TUBA1C: variants seen among roughly 807,000 people sequenced by gnomAD.
TUBA1C encodes the protein tubulin alpha 1c, also known as tubulin alpha-1C chain.
TUBA1C carries 16 observed loss-of-function variants against 34.9 expected under a neutral mutation model. The ratio of observed to expected loss-of-function variants is 0.46; its 90% CI spans 0.31 to 0.70. TUBA1C has a LOEUF of 0.70. TUBA1C is among the 30% of genes least tolerant of loss of function. The pLI is 0.05. For missense variants in TUBA1C, 329 were observed against 587.3 expected (o/e 0.56, Z 4.55); for synonymous variants, 177 against 215.9 (o/e 0.82, Z 1.58).
At chr12:49,241,730 A>T (rs1385481226) in intron 1 of TUBA1C, among the ~76,000 whole-genome samples, 1 of 146,994 alleles carries the variant, frequency 6.8e-6, no homozygotes, top group South Asian at 2.2e-4. Flanking sequence ...GCTCACTGCA[A>T]CCTCTGCCTC....
chr12:49,262,991 T>C (rs1942855947), upstream of TUBA1C, among the ~76,000 whole-genome samples: 1 of 151,770 alleles, frequency 6.6e-6, no homozygotes, highest in Non-Finnish European at 1.5e-5. Context: ...ATCCCAATGC[T>C]TAAAATTAAT....
intron 1 of TUBA1C, among the ~76,000 whole-genome samples, chr12:49,252,620 T>TA (rs778731646): frequency 6.6e-6 from 1 of 152,024 alleles, no homozygotes; most frequent in Non-Finnish European, 1.5e-5. Context: ...CTACTAAAAA[T>TA]ACAAAAATTG....
intron 1 of TUBA1C, among the ~76,000 whole-genome samples, chr12:49,268,274 T>A (rs1942942638): frequency 6.6e-6 from 1 of 152,194 alleles, no homozygotes; most frequent in Admixed American, 6.5e-5. Flanking sequence ...AATTCTTGTA[T>A]TTTTAGTAGA....
intron 1 of TUBA1C, among the ~76,000 whole-genome samples, chr12:49,249,516 A>C (rs1291197796): frequency 6.6e-6 from 1 of 152,164 alleles, no homozygotes; most frequent in African/African-American, 2.4e-5. Flanking sequence ...AATCAATGAA[A>C]CAGAAAACAG....
At chr12:49,244,852 GT>G (rs1942651569) in intron 1 of TUBA1C, among the ~76,000 whole-genome samples, 1 of 152,112 alleles carries the variant, frequency 6.6e-6, no homozygotes, top group Non-Finnish European at 1.5e-5. Flanking sequence ...CAAATACTAT[GT>G]TGGGAAAGGA....
At position 49,248,527 on chromosome 12, in the gene TUBA1C, T is replaced by G. The variant is rs1942698160; in HGVS notation, c.213+20361T>G. Among the ~76,000 whole-genome samples the G allele has an allele frequency of 2.1e-5, 3 of 142,106 alleles. No individual in the cohort carries two copies. In the South Asian group the frequency reaches 7.0e-4, roughly 33 times the overall value. 93.2% of individuals were successfully genotyped at this position (142,106 alleles called of 152,430 possible). A position where few individuals can be genotyped will look rare whatever the true frequency, so the allele number is the denominator to read the frequency against. On this transcript the variant is annotated intron_variant, in intron 1 of 3. Transcript: ENST00000541364. ...AGATTACAGTGAGCTGAGACCGGGT[T>G]GTTGCCTGGGCAACAACAGCGAAAC...
At chr12:49,237,717 C>T (rs1262956286) in intron 1 of TUBA1C, among the ~76,000 whole-genome samples, 3 of 146,950 alleles carry the variant, frequency 2.0e-5, no homozygotes, top group East Asian at 4.0e-4. Context: ...GCACTCTGGC[C>T]TGGGTGACAG....
At chr12:49,264,134 C>CT (rs1942868136), upstream of TUBA1C, among the ~76,000 whole-genome samples, 2 of 151,518 alleles carry the variant, frequency 1.3e-5, no homozygotes, top group South Asian at 4.2e-4. Context: ...GCAGGAGAAT[C>CT]GCTTGAACCC....
intron 1 of TUBA1C, among the ~76,000 whole-genome samples, chr12:49,265,877 CG>C (rs1159307400): frequency 1.3e-5 from 2 of 151,018 alleles, no homozygotes; most frequent in African/African-American, 4.9e-5. Context: ...AGAGTTGGCC[CG>C]GCGCAGTGGC....
In TUBA1C at chr12:49,272,281, T is replaced by A. The variant is rs1242999575; in HGVS notation, c.404T>A (p.Phe135Tyr). ...LADQCTGLQGFLVFHSFGGGT... is the reference protein window; with the variant it reads ...LADQCTGLQGYLVFHSFGGGT... ...GACCAGTGCACCGGTCTTCAGGGCT[T>A]CTTGGTTTTCCACAGCTTTGGTGGG... is the stretch of plus-strand genomic sequence containing the variant. The change falls in exon 4 of 4, where the codon TTC becomes TAC. Residue 135 changes from phenylalanine (F) to tyrosine (Y), a missense_variant. Physicochemically the swap from Phe to Tyr is conservative, Grantham distance 22 (BLOSUM62 3). Around this residue, in one of 4 missense-constraint regions of TUBA1C, gnomAD observed 152 missense variants for 240.3 expected, o/e 0.63. Transcript: ENST00000301072. 2 of 1,613,054 alleles carry A rather than the reference T, an allele frequency of 1.2e-6. No homozygotes were observed. The highest frequency in any genetic ancestry group is 1.7e-5 in the Admixed American group (1 of 59,770).
At chr12:49,270,690 A>G (rs925922343) in intron 3 of TUBA1C, among the ~76,000 whole-genome samples, 3 of 152,176 alleles carry the variant, frequency 2.0e-5, no homozygotes, top group Non-Finnish European at 2.9e-5. Flanking sequence ...ATGCTTAAAA[A>G]CTAAGCTTTA....
At chr12:49,255,542 C>G (rs1942775118) in intron 1 of TUBA1C, among the ~76,000 whole-genome samples, 1 of 151,748 alleles carries the variant, frequency 6.6e-6, no homozygotes, top group Admixed American at 6.6e-5. Context: ...ATGAACCACT[C>G]TACCTGGTAG....
intron 1 of TUBA1C, among the ~76,000 whole-genome samples, chr12:49,253,732 C>T (rs1042468276): frequency 3.3e-5 from 5 of 152,036 alleles, no homozygotes; most frequent in African/African-American, 9.7e-5. Flanking sequence ...CTCACTATGT[C>T]GTCCAAGCTG....
chr12:49,264,219 C>CAAA (rs572667018), upstream of TUBA1C, among the ~76,000 whole-genome samples: 1 of 79,580 alleles, frequency 1.3e-5, no homozygotes, highest in Non-Finnish European at 2.7e-5. Flanking sequence ...GACTCCGTCT[C>CAAA]AAAAAAAAAA....
chr12:49,261,194 C>T (rs2137011352), upstream of TUBA1C, among the ~76,000 whole-genome samples: 1 of 151,692 alleles, frequency 6.6e-6, no homozygotes, highest in Non-Finnish European at 1.5e-5. Flanking sequence ...AGCGCCATTG[C>T]ACTCCAGCCT....
intron 1 of TUBA1C, among the ~76,000 whole-genome samples, chr12:49,248,547 C>T (rs553908528): frequency 2.9e-5 from 4 of 139,520 alleles, no homozygotes; most frequent in South Asian, 2.3e-4. Context: ...GCAACAACAG[C>T]GAAACTCTGT....
chr12:49,262,736 T>C (rs753041979), upstream of TUBA1C, among the ~76,000 whole-genome samples: 1 of 151,866 alleles, frequency 6.6e-6, no homozygotes, highest in African/African-American at 2.4e-5. Context: ...GCTGACATCA[T>C]GCCATTGCAC....
At chr12:49,260,586 T>A (rs1273625972), upstream of TUBA1C, among the ~76,000 whole-genome samples, 1 of 152,066 alleles carries the variant, frequency 6.6e-6, no homozygotes, top group African/African-American at 2.4e-5. Flanking sequence ...ATTTGTGGGA[T>A]AAAAGAGAAA....
At chr12:49,240,491 T>A (rs979479680) in intron 1 of TUBA1C, among the ~76,000 whole-genome samples, 12 of 152,294 alleles carry the variant, frequency 7.9e-5, no homozygotes, top group Admixed American at 3.3e-4. Flanking sequence ...ATCAGGCTTA[T>A]CAGAGGGTCT....
Sources: allele counts gnomAD v4.1 joint callset (sites outside exome capture counted in the v4.1 genomes callset), GRCh38; gene constraint gnomAD v4.1.1; regional missense constraint gnomAD v4.1.1; transcripts MANE v1.5; gene names NCBI Gene and HGNC (gene_info 2026-07-23, HGNC 2026-07-21).